The following MED26 variants were observed in gnomAD, a reference collection of about 807,000 sequenced individuals.
MED26 encodes mediator of RNA polymerase II transcription subunit 26.
In MED26, 7 loss-of-function variants were observed where a neutral mutation model predicts 43.7. That is an observed-to-expected ratio of 0.16 (90% CI 0.09 to 0.30). The LOEUF (loss-of-function observed/expected upper bound fraction) is 0.30. MED26 is among the 10% of genes least tolerant of loss of function. The pLI is 1.00. For missense variants in MED26, 784 were observed against 840.6 expected, an observed-to-expected ratio of 0.93 and a Z score of 0.83; for synonymous variants, 375 against 371.1, an observed-to-expected ratio of 1.01 and a Z score of -0.12.
intron 1 of MED26, among the ~76,000 whole-genome samples, chr19:16,594,260 C>G (rs966762192): frequency 6.6e-6 from 1 of 152,308 alleles, no homozygotes; most frequent in South Asian, 2.1e-4. Flanking sequence ...CACTTGCCGC[C>G]GAGAGCCAAA....
At chr19:16,627,112 G>C (rs1483835758) in intron 1 of MED26, among the ~76,000 whole-genome samples, 2 of 152,042 alleles carry the variant, frequency 1.3e-5, no homozygotes, top group Non-Finnish European at 2.9e-5. Context: ...AGAGCTCTTG[G>C]GTAAACGGGA....
At chr19:16,612,485 T>C (rs951969553) in intron 1 of MED26, among the ~76,000 whole-genome samples, 2 of 151,370 alleles carry the variant, frequency 1.3e-5, no homozygotes, top group South Asian at 2.1e-4. Flanking sequence ...AAGGTGTCAC[T>C]ATGTTGCCAA....
chr19:16,607,303 C>T (rs575806908), intron 1 of MED26, among the ~76,000 whole-genome samples: 5 of 151,176 alleles, frequency 3.3e-5, no homozygotes, highest in African/African-American at 9.8e-5. Flanking sequence ...CCCAGAAATC[C>T]GAGGCTACAA....
intron 1 of MED26, among the ~76,000 whole-genome samples, chr19:16,626,813 T>A (rs1346859907): frequency 6.6e-6 from 1 of 152,178 alleles, no homozygotes; most frequent in Non-Finnish European, 1.5e-5. Flanking sequence ...CCCTCATACC[T>A]GGATGCTACT....
chr19:16,617,892 G>C (rs1340460764), intron 1 of MED26, among the ~76,000 whole-genome samples: 1 of 152,206 alleles, frequency 6.6e-6, no homozygotes, highest in Non-Finnish European at 1.5e-5. Context: ...CAGACGAGCT[G>C]AGACTTAACA....
At chr19:16,581,634 C>T (rs533467637) in intron 1 of MED26, among the ~76,000 whole-genome samples, 1 of 152,358 alleles carries the variant, frequency 6.6e-6, no homozygotes, top group South Asian at 2.1e-4. Context: ...GACAGAACAC[C>T]TGGGCAACCC....
At chr19:16,612,846 GC>G (rs935298282) in intron 1 of MED26, among the ~76,000 whole-genome samples, 78 of 152,272 alleles carry the variant, frequency 5.1e-4, no homozygotes, top group African/African-American at 1.8e-3. Context: ...CCCCGAGGGA[GC>G]ATTTAGAAAT....
intron 1 of MED26, among the ~76,000 whole-genome samples, chr19:16,605,949 A>C (rs926556079): frequency 6.6e-6 from 1 of 152,210 alleles, no homozygotes; most frequent in Non-Finnish European, 1.5e-5. Context: ...CTGTGTGCGG[A>C]TATTCGTGCA....
intron 1 of MED26, among the ~76,000 whole-genome samples, chr19:16,583,567 A>G (rs2086056186): frequency 6.6e-6 from 1 of 152,150 alleles, no homozygotes; most frequent in African/African-American, 2.4e-5. Context: ...GCAGGGGTAA[A>G]TGCAGCAAGG....
At chr19:16,627,804 G>A (rs2086288694) in intron 1 of MED26, 68 bp downstream of exon 1, 8 of 1,170,242 alleles carry the variant, frequency 6.8e-6, no homozygotes, top group Admixed American at 6.3e-5. Flanking sequence ...GTGGGCGAGG[G>A]GTACAGGAGA....
rs563258700 is a variant in MED26, at chr19:16,607,925, A to G, written c.72+19947T>C. Among the ~76,000 whole-genome samples, 4 of 152,338 alleles carry G rather than the reference A, an allele frequency of 2.6e-5. No individual in the cohort carries two copies. The East Asian group carries it at 7.7e-4, about 29-fold the overall frequency. On this transcript the variant is annotated intron_variant, in intron 1 of 2. Coordinates refer to ENST00000263390, the MANE Select transcript of MED26 (RefSeq NM_004831.5). ...CAATGAGGGGTGCTAGACAGGGCCAATGGGAAACTACGATCACGAGAACTG... is the reference window on the plus strand; with the variant it reads ...CAATGAGGGGTGCTAGACAGGGCCAGTGGGAAACTACGATCACGAGAACTG...
intron 1 of MED26, among the ~76,000 whole-genome samples, chr19:16,616,652 G>A (rs991469494): frequency 4.6e-5 from 7 of 152,212 alleles, no homozygotes; most frequent in African/African-American, 1.7e-4. Context: ...GGAGTGGGCT[G>A]TCTAGACATC....
At chr19:16,624,605 T>C (rs1024497613) in intron 1 of MED26, 2 of 152,246 alleles carry the variant, frequency 1.3e-5, no homozygotes, top group African/African-American at 4.8e-5. Flanking sequence ...GGACCTTTCC[T>C]CTAAAAGCTA....
intron 1 of MED26, among the ~76,000 whole-genome samples, chr19:16,614,312 G>A (rs1194360414): frequency 6.6e-6 from 1 of 152,092 alleles, no homozygotes; most frequent in Non-Finnish European, 1.5e-5. Flanking sequence ...CAGATCGCTT[G>A]AGCTCAGGAA....
intron 1 of MED26, among the ~76,000 whole-genome samples, chr19:16,616,766 A>G (rs1039409993): frequency 6.6e-6 from 1 of 152,170 alleles, no homozygotes. Context: ...TGCTACACAA[A>G]GCCAAAACGC....
chr19:16,586,710 C>G lies in MED26; in HGVS notation c.73-8301G>C, dbSNP rs1249250822. On this transcript the variant is annotated intron_variant, in intron 1 of 2. Transcript: ENST00000263390. This position sits in a 1 kb window ranked among gnomAD's most constrained non-coding sequence, Gnocchi z 5.1. ...GGAGCACAGACTGCAGTTCTGCACT[C>G]CCCCACCTCGGTGTCCGGCCAGCCT... Among the ~76,000 whole-genome samples the G allele has an allele frequency of 6.6e-6, 1 of 152,206 alleles. No homozygotes were observed. The highest frequency in any genetic ancestry group is 1.5e-5 in the Non-Finnish European group (1 of 68,032).
chr19:16,584,276 A>C (rs1351423950), intron 1 of MED26, among the ~76,000 whole-genome samples: 2 of 151,442 alleles, frequency 1.3e-5, no homozygotes, highest in East Asian at 3.9e-4. Flanking sequence ...AGAAAAAAAA[A>C]ACCGAAACCC....
chr19:16,623,410 T>C (rs1311603147), intron 1 of MED26, among the ~76,000 whole-genome samples: 1 of 152,118 alleles, frequency 6.6e-6, no homozygotes, highest in African/African-American at 2.4e-5. Context: ...CATTTTGCAA[T>C]TTACACCATT....
chr19:16,581,163 C>T (rs1016108494), intron 1 of MED26, among the ~76,000 whole-genome samples: 4 of 151,896 alleles, frequency 2.6e-5, no homozygotes, highest in African/African-American at 9.7e-5. Context: ...AGCTGCCCTG[C>T]CAATGGGCCC....
Sources: allele counts gnomAD v4.1 joint callset (sites outside exome capture counted in the v4.1 genomes callset), GRCh38; gene constraint gnomAD v4.1.1; non-coding constraint Gnocchi (gnomAD v3.1); transcripts MANE v1.5; gene names NCBI Gene and HGNC (gene_info 2026-07-23, HGNC 2026-07-21).